The following DOCK5 variants were observed in gnomAD, a reference collection of about 807,000 sequenced individuals.
DOCK5 encodes the protein dedicator of cytokinesis 5, also known as dedicator of cytokinesis protein 5.
Under a neutral mutation model 251.8 loss-of-function variants are expected in DOCK5, and 142 were observed. That is an observed-to-expected ratio of 0.56 (90% CI 0.49 to 0.65). The LOEUF (loss-of-function observed/expected upper bound fraction) is 0.65, where lower values mean the gene tolerates loss of function less well. Ranked by LOEUF, DOCK5 falls within the 30% of genes least tolerant of loss-of-function variation. The pLI, the probability that DOCK5 is intolerant of heterozygous loss-of-function variation, is 0.00. For synonymous variants in DOCK5, 842 were observed against 835.5 expected (o/e 1.01, Z -0.13); for missense variants, 2,111 against 2,312.3 (o/e 0.91, Z 1.79).
At chr8:25,375,392 T>C (rs1191924521) in intron 37 of DOCK5, 1 of 138,374 alleles carries the variant, frequency 7.2e-6, no homozygotes. Flanking sequence ...CTTATCCGCT[T>C]TTCTTTTTCT....
chr8:25,411,123 A>G (rs1234358101), intron 51 of DOCK5, 71 bp from the exon 52 acceptor site: 16 of 1,425,474 alleles, frequency 1.1e-5, no homozygotes, highest in South Asian at 1.5e-5. Context: ...GAATATGAGA[A>G]ATAGGAGGAG....
chr8:25,371,954 C>G (rs1800880840), intron 34 of DOCK5, among the ~76,000 whole-genome samples: 1 of 152,228 alleles, frequency 6.6e-6, no homozygotes, highest in South Asian at 2.1e-4. Context: ...TCCAAAGGGA[C>G]AGGATTTAGA....
intron 18 of DOCK5, among the ~76,000 whole-genome samples, chr8:25,331,022 G>T (rs143099778): frequency 1.8e-3 from 279 of 152,190 alleles, no homozygotes; most frequent in African/African-American, 6.0e-3. Context: ...GTTGCAGGTT[G>T]CAATGAGCTG....
At chr8:25,333,342 TA>T (rs1272831041) in intron 20 of DOCK5, among the ~76,000 whole-genome samples, 20 of 152,224 alleles carry the variant, frequency 1.3e-4, no homozygotes, top group African/African-American at 4.6e-4. Flanking sequence ...TTAGGCGATT[TA>T]CCAGCTTTGA....
chr8:25,336,650 C>G (rs1390458203), intron 22 of DOCK5, among the ~76,000 whole-genome samples: 1 of 152,188 alleles, frequency 6.6e-6, no homozygotes, highest in African/African-American at 2.4e-5. Context: ...CAGCAGATGA[C>G]TTCATGACAA....
At chr8:25,219,386 T>C (rs760352849) in intron 1 of DOCK5, among the ~76,000 whole-genome samples, 4 of 152,208 alleles carry the variant, frequency 2.6e-5, no homozygotes, top group Non-Finnish European at 4.4e-5. Flanking sequence ...TTAATTTCAA[T>C]CTGGCATAGT....
chr8:25,236,591 T>G (rs942106004), intron 1 of DOCK5, among the ~76,000 whole-genome samples: 2 of 151,678 alleles, frequency 1.3e-5, no homozygotes, highest in Admixed American at 1.3e-4. Flanking sequence ...CTTTTTTTTA[T>G]TTTTTTTGAA....
At chr8:25,195,929 TG>T (rs1801714076) in intron 1 of DOCK5, among the ~76,000 whole-genome samples, 6 of 152,220 alleles carry the variant, frequency 3.9e-5, no homozygotes, top group African/African-American at 1.4e-4. Flanking sequence ...AAATGAATAC[TG>T]ACCCCATCAT....
intron 1 of DOCK5, among the ~76,000 whole-genome samples, chr8:25,204,059 G>A (rs1245275427): frequency 3.9e-5 from 6 of 151,974 alleles, no homozygotes; most frequent in African/African-American, 1.5e-4. Context: ...AAGATTAGAG[G>A]GTTTGTTTGT....
At chr8:25,283,351 C>G (rs1300879584) in intron 5 of DOCK5, among the ~76,000 whole-genome samples, 1 of 152,164 alleles carries the variant, frequency 6.6e-6, no homozygotes, top group Non-Finnish European at 1.5e-5. Context: ...GCTGAGTATC[C>G]TGTGCGGGTC....
At position 25,413,559 on chromosome 8, in the gene DOCK5, T is replaced by G. The variant is rs1356445405; in HGVS notation, c.*2261T>G. ...AGGGGATTTGTGTGCCACACTCTAC[T>G]TGCCGGGCTGCCATTAAAATAGAAA... is the stretch of plus-strand genomic sequence containing the variant. On this transcript the variant is annotated 3_prime_UTR_variant, in exon 52 of 52. Transcript: ENST00000276440. 1 of 152,192 alleles carries G rather than the reference T, an allele frequency of 6.6e-6. No individual in the cohort carries two copies. Among genetic ancestry groups the G allele is most frequent in the Non-Finnish European group, 1.5e-5 (1 of 68,054 alleles). 9.4% of individuals were successfully genotyped at this position (152,192 alleles called of 1,614,324 possible). A position where few individuals can be genotyped will look rare whatever the true frequency, so the allele number is the denominator to read the frequency against.
Position 25,334,079 on chromosome 8 carries a change from TTTTTCAC to T in DOCK5, c.2092-12_2092-6del. 1 of 1,597,962 alleles carries T rather than the reference TTTTTCAC, an allele frequency of 6.3e-7. No individual in the cohort carries two copies. Reference sequence around the variant, plus strand: ...GGATTGTGCAGTGCTGCTATTTCTATTTTTCACTTTTGGCAGGTATTTATTATTTCAC... The same window carrying T: ...GGATTGTGCAGTGCTGCTATTTCTATTTTTGGCAGGTATTTATTATTTCAC... On this transcript the variant is annotated splice_polypyrimidine_tract_variant and intron_variant, in intron 20 of 51. Transcript: ENST00000276440.
At chr8:25,250,748 A>G (rs1185481608) in intron 2 of DOCK5, among the ~76,000 whole-genome samples, 1 of 152,320 alleles carries the variant, frequency 6.6e-6, no homozygotes, top group East Asian at 1.9e-4. Context: ...AAACAAAACA[A>G]TTCAGATATG....
rs746108362 is a variant in DOCK5 at position 25,399,958 on chromosome 8, G to C, written c.4752G>C (p.Glu1584Asp). ...KYLQEHPEDQ[E>D]KVELLKRLIA... is the part of the protein sequence containing the mutation. ...TGCAGGAGCATCCTGAAGACCAGGA[G>C]AAGGTTGAGCTGCTAAAGCGACTAA... is the stretch of plus-strand genomic sequence containing the variant. The change falls in exon 46 of 52, where the codon GAG becomes GAC. Residue 1584 changes from glutamate to aspartate, a missense_variant. By Grantham distance (45) the Glu-to-Asp change is conservative. Coordinates refer to ENST00000276440, the MANE Select transcript of DOCK5 (RefSeq NM_024940.8). The C allele has an allele frequency of 5.0e-5, 80 of 1,613,650 alleles. No homozygotes were observed. Among genetic ancestry groups the C allele is most frequent in the Non-Finnish European group, 6.4e-5 (75 of 1,179,808 alleles).
intron 2 of DOCK5, among the ~76,000 whole-genome samples, chr8:25,245,729 G>A (rs1036220019): frequency 2.0e-5 from 3 of 151,926 alleles, no homozygotes; most frequent in Non-Finnish European, 2.9e-5. Flanking sequence ...TAGTAGAGAC[G>A]GGGTTTCATC....
chr8:25,236,760 GT>G (rs111913006), intron 1 of DOCK5, among the ~76,000 whole-genome samples: 10 of 146,934 alleles, frequency 6.8e-5, no homozygotes, highest in Admixed American at 4.1e-4. Context: ...TTTTTGTGTG[GT>G]TTTTTTTTTG....
chr8:25,335,693 C>T (rs1407894191), intron 21 of DOCK5, among the ~76,000 whole-genome samples: 2 of 152,118 alleles, frequency 1.3e-5, no homozygotes, highest in African/African-American at 4.8e-5. Flanking sequence ...TAGAAAGACA[C>T]AAAGAGCAAC....
Position 25,192,507 on chromosome 8 carries a change from T to G in DOCK5, c.43+7556T>G, listed in dbSNP as rs562025897. On this transcript the variant is annotated intron_variant, in intron 1 of 51. Transcript: ENST00000276440. ...TATACCCATTTCCATCTGTATTCTT[T>G]TTTGTTTTTCTTTTAAGAGATAGGG... Among the ~76,000 whole-genome samples, 8 of 152,342 alleles carry G rather than the reference T, an allele frequency of 5.3e-5. No homozygotes were observed. In the East Asian group the frequency reaches 1.5e-3, roughly 29 times the overall value.
At chr8:25,400,655 T>A (rs1801423382) in intron 46 of DOCK5, among the ~76,000 whole-genome samples, 1 of 152,022 alleles carries the variant, frequency 6.6e-6, no homozygotes, top group African/African-American at 2.4e-5. Flanking sequence ...CAGTTGCTCA[T>A]CCACGGAAGT....
Sources: allele counts gnomAD v4.1 joint callset (sites outside exome capture counted in the v4.1 genomes callset), GRCh38; gene constraint gnomAD v4.1.1; transcripts MANE v1.5; gene names NCBI Gene and HGNC (gene_info 2026-07-23, HGNC 2026-07-21).